KHDRBS2: variants seen among roughly 807,000 people sequenced by gnomAD.
KHDRBS2 encodes KH domain-containing, RNA-binding, signal transduction-associated protein 2.
In KHDRBS2, 26 loss-of-function variants were observed where a neutral mutation model predicts 44.3. The observed-to-expected ratio is 0.59, with a 90% CI of 0.43 to 0.81. KHDRBS2 has a LOEUF of 0.81. Among genes scored for constraint, KHDRBS2 ranks in the 40% least tolerant of loss-of-function variants. The pLI is 0.00. For missense variants in KHDRBS2, 476 were observed against 433.1 expected (o/e 1.10, Z -0.88); for synonymous variants, 194 against 151.1 (o/e 1.28, Z -2.08).
chr6:62,201,380 A>T (rs1826957080), intron 1 of KHDRBS2, among the ~76,000 whole-genome samples: 1 of 152,240 alleles, frequency 6.6e-6, no homozygotes, highest in Non-Finnish European at 1.5e-5. Flanking sequence ...AAGTTGTAAG[A>T]AGGGGCTGTG....
the KHDRBS2 span, among the ~76,000 whole-genome samples, chr6:61,548,766 G>A: frequency 6.6e-6 from 1 of 151,978 alleles, no homozygotes; most frequent in Non-Finnish European, 1.5e-5. Context: ...CCACAGATAA[G>A]TTCTGGTTGA....
chr6:62,220,587 T>G lies in KHDRBS2; in HGVS notation c.92-43275A>C, dbSNP rs551937844. On this transcript the variant is annotated intron_variant, in intron 1 of 8. Transcript: ENST00000281156. ...ATAGAGTGTTCTAAGGTACTTATAT[T>G]GATCAGGAGGAAGGTAGAATTAACA... Among the ~76,000 whole-genome samples the G allele has an allele frequency of 2.0e-5, 3 of 151,944 alleles. No individual in the cohort carries two copies. The East Asian group carries it at 5.8e-4, about 29-fold the overall frequency.
At chr6:61,819,462 T>A (rs989053250) in intron 6 of KHDRBS2, among the ~76,000 whole-genome samples, 2 of 150,568 alleles carry the variant, frequency 1.3e-5, no homozygotes, top group Non-Finnish European at 3.0e-5. Context: ...AGTTGATACA[T>A]ATCTTATCTG....
chr6:61,655,672 T>C, the KHDRBS2 span, among the ~76,000 whole-genome samples: 2 of 152,110 alleles, frequency 1.3e-5, no homozygotes, highest in African/African-American at 2.4e-5. Flanking sequence ...CTAGAAATGC[T>C]CATCACAGAA....
At chr6:61,969,459 C>T (rs971541472) in intron 4 of KHDRBS2, among the ~76,000 whole-genome samples, 1 of 152,022 alleles carries the variant, frequency 6.6e-6, no homozygotes, top group African/African-American at 2.4e-5. Flanking sequence ...TGCATGAGGA[C>T]TAGTTTTAAC....
At chr6:61,660,356 A>G in the KHDRBS2 span, among the ~76,000 whole-genome samples, 18 of 151,796 alleles carry the variant, frequency 1.2e-4, no homozygotes, top group Admixed American at 4.0e-4. Flanking sequence ...TATAGTATCC[A>G]TAACTGTTCT....
At chr6:61,976,394 C>A (rs1312548859) in intron 4 of KHDRBS2, among the ~76,000 whole-genome samples, 1 of 152,016 alleles carries the variant, frequency 6.6e-6, no homozygotes, top group African/African-American at 2.4e-5. Context: ...AGGAAGTGAG[C>A]AAGCGAGATG....
At chr6:62,261,264 C>A (rs1838290951) in intron 1 of KHDRBS2, among the ~76,000 whole-genome samples, 1 of 151,886 alleles carries the variant, frequency 6.6e-6, no homozygotes, top group Non-Finnish European at 1.5e-5. Flanking sequence ...TTGTCAATTT[C>A]TCCAGTCTCC....
chr6:62,136,993 CTTTTTT>C (rs141092447), intron 2 of KHDRBS2, among the ~76,000 whole-genome samples: 4 of 78,320 alleles, frequency 5.1e-5, no homozygotes, highest in African/African-American at 1.6e-4. Context: ...TCTTTCTTTT[CTTTTTT>C]TTTTTTTTTT....
chr6:62,213,371 G>A (rs1829417034), intron 1 of KHDRBS2, among the ~76,000 whole-genome samples: 1 of 152,068 alleles, frequency 6.6e-6, no homozygotes, highest in East Asian at 1.9e-4. Context: ...TCTGAGAATA[G>A]GGGTCTGTGG....
chr6:62,048,067 T>C, intron 2 of KHDRBS2, 73 bp from the exon 3 acceptor site: 1 of 898,566 alleles, frequency 1.1e-6, no homozygotes. Flanking sequence ...GAGTAATTGA[T>C]AGGTTATAGG....
chr6:62,032,123 T>A (rs1376746349), intron 3 of KHDRBS2, among the ~76,000 whole-genome samples: 1 of 152,058 alleles, frequency 6.6e-6, no homozygotes, highest in Non-Finnish European at 1.5e-5. Context: ...CTGGATCCGG[T>A]CCAAGACCAT....
chr6:61,779,442 G>T (rs1782593984), intron 6 of KHDRBS2, among the ~76,000 whole-genome samples: 1 of 152,014 alleles, frequency 6.6e-6, no homozygotes, highest in African/African-American at 2.4e-5. Context: ...TTAGATGAGG[G>T]TGTGGTTCAA....
chr6:61,783,877 T>C (rs1204197107), intron 6 of KHDRBS2, among the ~76,000 whole-genome samples: 30 of 152,048 alleles, frequency 2.0e-4, no homozygotes, highest in Non-Finnish European at 1.5e-5. Context: ...AGCATTTAAT[T>C]ATGTGAATGG....
chr6:62,258,913 G>C (rs1269484311), intron 1 of KHDRBS2, among the ~76,000 whole-genome samples: 2 of 152,036 alleles, frequency 1.3e-5, no homozygotes, highest in Non-Finnish European at 2.9e-5. Context: ...AGCATACCCA[G>C]TGATGGTACA....
chr6:62,028,953 CT>C (rs1299631951), intron 3 of KHDRBS2, among the ~76,000 whole-genome samples: 1 of 151,948 alleles, frequency 6.6e-6, no homozygotes, highest in African/African-American at 2.4e-5. Flanking sequence ...AAGTAACTTT[CT>C]CCATTGTACA....
intron 5 of KHDRBS2, among the ~76,000 whole-genome samples, chr6:61,898,943 C>T (rs952270231): frequency 1.9e-4 from 29 of 151,900 alleles, no homozygotes; most frequent in African/African-American, 6.8e-4. Flanking sequence ...AATGCAGACA[C>T]TTGATATGCA....
chr6:61,803,526 T>C (rs2127590293), intron 6 of KHDRBS2, among the ~76,000 whole-genome samples: 1 of 152,290 alleles, frequency 6.6e-6, no homozygotes, highest in Non-Finnish European at 1.5e-5. Flanking sequence ...TTTTTACACA[T>C]ATTATCTCAT....
intron 1 of KHDRBS2, among the ~76,000 whole-genome samples, chr6:62,178,808 T>C (rs1821672001): frequency 1.3e-5 from 2 of 151,574 alleles, no homozygotes; most frequent in Non-Finnish European, 3.0e-5. Flanking sequence ...AAATACTAAC[T>C]AAGATAAGAA....
Sources: gnomAD v4.1 joint callset for allele counts (sites outside exome capture counted in the v4.1 genomes callset) on GRCh38, gnomAD v4.1.1 for gene constraint, MANE v1.5 for transcripts, NCBI Gene and HGNC (gene_info 2026-07-23, HGNC 2026-07-21) for gene names.